The following DAPK1 variants were observed in gnomAD, a reference collection of about 807,000 sequenced individuals.
DAPK1 encodes death-associated protein kinase 1.
DAPK1 carries 56 observed loss-of-function variants against 144.9 expected under a neutral mutation model. The ratio of observed to expected loss-of-function variants is 0.39; its 90% CI spans 0.31 to 0.48. The LOEUF (loss-of-function observed/expected upper bound fraction) is 0.48. Ranked by LOEUF, DAPK1 falls within the 20% of genes least tolerant of loss-of-function variation. The pLI is 0.95. For synonymous variants in DAPK1, 690 were observed against 749.0 expected (o/e 0.92, Z 1.29); for missense variants, 1,454 against 1,875.4 (o/e 0.78, Z 4.15).
rs773897070 is a variant in DAPK1, at chr9:87,589,426, AGG to A, written c.63-15526_63-15525del. Among the ~76,000 whole-genome samples the A allele has an allele frequency of 3.3e-4, 51 of 152,260 alleles. No homozygotes were observed. The East Asian group carries it at 9.7e-3, about 29-fold the overall frequency. ...AATCAGCATCTTTCCCACTAAGTGA[AGG>A]GCCCAGACTCGAGCACAGGAGCACA... On this transcript the variant is annotated intron_variant, in intron 2 of 25. Coordinates refer to ENST00000408954, the MANE Select transcript of DAPK1 (RefSeq NM_004938.4).
chr9:87,700,259 C>T (rs192026779), intron 24 of DAPK1, 22 bp downstream of exon 24: 25 of 1,602,046 alleles, frequency 1.6e-5, no homozygotes, highest in Non-Finnish European at 1.5e-5. Context: ...ATGGAAAGAG[C>T]CTGGACCCCT....
At chr9:87,532,795 G>C (rs1825740023) in intron 2 of DAPK1, among the ~76,000 whole-genome samples, 1 of 152,028 alleles carries the variant, frequency 6.6e-6, no homozygotes, top group South Asian at 2.1e-4. Flanking sequence ...AATATACAGA[G>C]AAGTTGGTAG....
intron 2 of DAPK1, among the ~76,000 whole-genome samples, chr9:87,511,304 G>A (rs982132311): frequency 1.3e-5 from 2 of 152,182 alleles, no homozygotes; most frequent in African/African-American, 2.4e-5. Flanking sequence ...ATTAGATGAT[G>A]CTTAGGGTTC....
rs36216403 is a variant in DAPK1, at chr9:87,669,108, A to G, written c.2001+434A>G. Reference sequence around the variant, plus strand: ...AAGGCAGGTGCACCCTTTCCAGCCTACAACATGACAGTTGTGTCAGGAGAC... The same window carrying G: ...AAGGCAGGTGCACCCTTTCCAGCCTGCAACATGACAGTTGTGTCAGGAGAC... On this transcript the variant is annotated intron_variant, in intron 19 of 25. Coordinates refer to ENST00000408954, the MANE Select transcript of DAPK1 (RefSeq NM_004938.4). Among the ~76,000 whole-genome samples the G allele has an allele frequency of 9.1e-3, 1,383 of 152,340 alleles. 21 individuals are homozygous for G. Among genetic ancestry groups the G allele is most frequent in the African/African-American group, 0.032 (1,310 of 41,578 alleles).
intron 21 of DAPK1, among the ~76,000 whole-genome samples, chr9:87,695,562 A>T (rs1022852057): frequency 6.6e-6 from 1 of 152,160 alleles, no homozygotes; most frequent in Admixed American, 6.5e-5. Flanking sequence ...CAGCTCCAGT[A>T]TGGGAAAGCA....
chr9:87,550,810 C>T (rs1254314579), intron 2 of DAPK1, among the ~76,000 whole-genome samples: 1 of 152,238 alleles, frequency 6.6e-6, no homozygotes, highest in African/African-American at 2.4e-5. Context: ...AAATGGACTA[C>T]AGCTAAGCCA....
chr9:87,617,180 C>G (rs1358176359), intron 3 of DAPK1, among the ~76,000 whole-genome samples: 1 of 152,204 alleles, frequency 6.6e-6, no homozygotes, highest in Non-Finnish European at 1.5e-5. Flanking sequence ...CCTCTTTTCT[C>G]AAAGACTTTC....
chr9:87,662,674 T>A (rs1475233998), intron 18 of DAPK1, among the ~76,000 whole-genome samples: 1 of 151,068 alleles, frequency 6.6e-6, no homozygotes, highest in Non-Finnish European at 1.5e-5. Context: ...GTATGTTAAT[T>A]TTGTATTCTG....
intron 3 of DAPK1, among the ~76,000 whole-genome samples, chr9:87,620,107 C>A (rs932887029): frequency 2.0e-5 from 3 of 152,154 alleles, no homozygotes; most frequent in African/African-American, 7.2e-5. Context: ...CTGCTTCCAG[C>A]AGAGCGGGGT....
intron 2 of DAPK1, among the ~76,000 whole-genome samples, chr9:87,553,242 G>GT (rs1312621271): frequency 5.0e-5 from 7 of 140,486 alleles, no homozygotes; most frequent in Non-Finnish European, 8.2e-5. Flanking sequence ...TGTCTGTCAT[G>GT]TGGGGGGGGT....
At chr9:87,620,567 A>C (rs1318805150) in intron 3 of DAPK1, among the ~76,000 whole-genome samples, 1 of 34,504 alleles carries the variant, frequency 2.9e-5, no homozygotes, top group African/African-American at 1.1e-4. Context: ...GAGTAGGGGG[A>C]GGGGGAGGGG....
chr9:87,565,431 C>T (rs1827085160), intron 2 of DAPK1, among the ~76,000 whole-genome samples: 1 of 152,112 alleles, frequency 6.6e-6, no homozygotes, highest in African/African-American at 2.4e-5. Context: ...CTTCCAATGC[C>T]CCCTATTTTA....
chr9:87,565,615 T>G (rs1211180458), intron 2 of DAPK1, among the ~76,000 whole-genome samples: 1 of 152,180 alleles, frequency 6.6e-6, no homozygotes, highest in Non-Finnish European at 1.5e-5. Context: ...TCTTTCTGCC[T>G]AGAAGAGAAG....
At chr9:87,586,703 G>C (rs995269576) in intron 2 of DAPK1, among the ~76,000 whole-genome samples, 1 of 152,138 alleles carries the variant, frequency 6.6e-6, no homozygotes, top group Non-Finnish European at 1.5e-5. Context: ...GAACCAGTGC[G>C]AAGTTCATTT....
chr9:87,523,263 G>T (rs761201064), intron 2 of DAPK1, among the ~76,000 whole-genome samples: 309 of 152,006 alleles, frequency 2.0e-3, no homozygotes, highest in Non-Finnish European at 3.6e-3. Flanking sequence ...ATCTTTTATG[G>T]GTTTTGTATC....
At chr9:87,563,095 C>T (rs1826991035) in intron 2 of DAPK1, among the ~76,000 whole-genome samples, 1 of 152,176 alleles carries the variant, frequency 6.6e-6, no homozygotes, top group Admixed American at 6.5e-5. Flanking sequence ...GTGAAATGCT[C>T]ATGTTTCTAT....
chr9:87,696,872 A>G, intron 21 of DAPK1, 135 bp from the exon 22 acceptor site: 1 of 702,028 alleles, frequency 1.4e-6, no homozygotes, highest in Non-Finnish European at 2.6e-6. Flanking sequence ...AAGTCATAAC[A>G]AGATGTATAC....
At chr9:87,644,382 C>T (rs1830199612) in intron 11 of DAPK1, among the ~76,000 whole-genome samples, 8 of 151,960 alleles carry the variant, frequency 5.3e-5, no homozygotes, top group Admixed American at 5.2e-4. Flanking sequence ...GCGGGAACTA[C>T]CCTGCCCCTT....
chr9:87,646,620 A>T lies in DAPK1; in HGVS notation c.1230+61A>T. The stretch of plus-strand genomic sequence containing the variant: ...AAGTATTTTCAAGTGTCTCTTAATC[A>T]TAGGGGTAACAGAGGAAAAAAATTT... On this transcript the variant is annotated intron_variant, in intron 13 of 25. Coordinates refer to ENST00000408954, the MANE Select transcript of DAPK1 (RefSeq NM_004938.4). The T allele has an allele frequency of 2.9e-6, 4 of 1,400,040 alleles. No homozygotes were observed. The South Asian group carries it at 4.8e-5, about 17-fold the overall frequency. 86.7% of individuals were successfully genotyped at this position (1,400,040 alleles called of 1,614,324 possible). A position where few individuals can be genotyped will look rare whatever the true frequency, so the allele number is the denominator to read the frequency against.
Sources: gnomAD v4.1 joint callset for allele counts (sites outside exome capture counted in the v4.1 genomes callset) on GRCh38, gnomAD v4.1.1 for gene constraint, MANE v1.5 for transcripts, NCBI Gene and HGNC (gene_info 2026-07-23, HGNC 2026-07-21) for gene names.